FMN1: variants seen among roughly 807,000 people sequenced by gnomAD.
The protein encoded by FMN1 is formin-1.
A neutral mutation model predicts 132.4 loss-of-function variants in FMN1; 110 were observed. That is an observed-to-expected ratio of 0.83 (90% confidence interval 0.71 to 0.97). The LOEUF (loss-of-function observed/expected upper bound fraction) is 0.97. Ranked by LOEUF, FMN1 falls within the 50% of genes least tolerant of loss-of-function variation. FMN1 has a pLI of 0.00. For missense variants in FMN1, 1,792 were observed against 1,705.3 expected (o/e 1.05, Z -0.90); for synonymous variants, 722 against 651.7 (o/e 1.11, Z -1.64).
At chr15:33,105,460 C>T (rs1005373242) in intron 4 of FMN1, among the ~76,000 whole-genome samples, 1 of 152,106 alleles carries the variant, frequency 6.6e-6, no homozygotes, top group Admixed American at 6.6e-5. Context: ...TCTAGATGGA[C>T]TGTCAATGGT....
chr15:32,910,490 G>T lies in FMN1; in HGVS notation c.3272C>A (p.Ala1091Glu), dbSNP rs1327410193. Reference protein sequence around the residue: ...DDSVVDLETLAALYENRAQED... With the variant: ...DDSVVDLETLEALYENRAQED... ...GACACTCACGTTTTCATATAAGGCT[G>T]CCAGGGTCTCCAGATCAACCACGGA... Residue 1091 changes from alanine to glutamate, a missense_variant, in exon 11 of 21, where the codon GCA (alanine) becomes GAA (glutamate). Physicochemically the swap from Ala to Glu is moderately radical, Grantham distance 107. Transcript: ENST00000616417. 1.3e-6 allele frequency: 2 copies of T among 1,579,640 alleles called. No homozygotes were observed. The highest frequency in any genetic ancestry group is 2.3e-5 in the South Asian group (2 of 85,856).
At chr15:32,792,812 C>G (rs1358752090) in intron 19 of FMN1, among the ~76,000 whole-genome samples, 1 of 152,168 alleles carries the variant, frequency 6.6e-6, no homozygotes, top group East Asian at 1.9e-4. Context: ...GTAGACCTGA[C>G]GTGTGCCCCC....
chr15:33,110,865 T>TA (rs2039675767), intron 4 of FMN1, among the ~76,000 whole-genome samples: 1 of 152,134 alleles, frequency 6.6e-6, no homozygotes, highest in African/African-American at 2.4e-5. Context: ...AAACAATTTT[T>TA]AATGTCTTGG....
chr15:32,939,247 C>T (rs2061348237), intron 9 of FMN1, among the ~76,000 whole-genome samples: 1 of 152,186 alleles, frequency 6.6e-6, no homozygotes, highest in Non-Finnish European at 1.5e-5. Flanking sequence ...AGAAGCACAG[C>T]TAACCGAATT....
chr15:33,046,232 C>T (rs1461126577), intron 6 of FMN1, among the ~76,000 whole-genome samples: 7 of 152,158 alleles, frequency 4.6e-5, no homozygotes, highest in Non-Finnish European at 1.0e-4. Flanking sequence ...TTCCTTCCAG[C>T]TTACACATTA....
intron 4 of FMN1, among the ~76,000 whole-genome samples, chr15:33,125,717 A>T (rs1477922885): frequency 6.6e-6 from 1 of 151,192 alleles, no homozygotes; most frequent in Non-Finnish European, 1.5e-5. Context: ...AAAAAAAAAA[A>T]AATTAAGAAT....
intron 6 of FMN1, among the ~76,000 whole-genome samples, chr15:33,023,815 T>C (rs549789549): frequency 5.7e-4 from 87 of 152,282 alleles, no homozygotes; most frequent in Non-Finnish European, 3.2e-4. Context: ...TGAGGTTGCA[T>C]TGAAATTTGT....
chr15:32,944,522 A>C (rs998823674), intron 9 of FMN1, among the ~76,000 whole-genome samples: 1 of 152,196 alleles, frequency 6.6e-6, no homozygotes, highest in Non-Finnish European at 1.5e-5. Flanking sequence ...GTTAGGTCTG[A>C]ATCTCTTCCA....
At chr15:32,969,878 A>C (rs141907678) in intron 7 of FMN1, among the ~76,000 whole-genome samples, 26 of 152,324 alleles carry the variant, frequency 1.7e-4, no homozygotes, top group Non-Finnish European at 2.8e-4. Context: ...TAAAGAAAAA[A>C]ATAGGTTTAG....
intron 16 of FMN1, among the ~76,000 whole-genome samples, chr15:32,886,704 G>A (rs1417911123): frequency 2.0e-5 from 3 of 152,170 alleles, no homozygotes; most frequent in Admixed American, 2.0e-4. Flanking sequence ...GAGACAAGAG[G>A]GAATGGGCAT....
At chr15:32,788,217 G>A (rs2056944555) in intron 19 of FMN1, among the ~76,000 whole-genome samples, 1 of 152,258 alleles carries the variant, frequency 6.6e-6, no homozygotes, top group South Asian at 2.1e-4. Flanking sequence ...GCACTTAGTA[G>A]ACATAACACC....
chr15:32,871,498 A>G (rs902083915), intron 16 of FMN1, among the ~76,000 whole-genome samples: 1 of 152,166 alleles, frequency 6.6e-6, no homozygotes, highest in Non-Finnish European at 1.5e-5. Context: ...AGCTCACTTA[A>G]TTCTCCTGTA....
intron 3 of FMN1, among the ~76,000 whole-genome samples, chr15:33,174,359 A>T (rs1965438672): frequency 6.6e-6 from 1 of 152,098 alleles, no homozygotes; most frequent in Non-Finnish European, 1.5e-5. Flanking sequence ...CCCCTCTCAG[A>T]TTCCAATCCA....
chr15:32,931,555 TA>T (rs1454110186), intron 9 of FMN1, among the ~76,000 whole-genome samples: 2 of 152,208 alleles, frequency 1.3e-5, no homozygotes, highest in African/African-American at 2.4e-5. Context: ...TGGAATCCTG[TA>T]AGTTTGCTGA....
At chr15:33,019,609 C>G (rs2035304163) in intron 6 of FMN1, among the ~76,000 whole-genome samples, 1 of 152,186 alleles carries the variant, frequency 6.6e-6, no homozygotes, top group African/African-American at 2.4e-5. Flanking sequence ...AGCTGGAGGT[C>G]CCGAGCCCTG....
chr15:33,151,475 T>A, intron 4 of FMN1: 1 of 1,291,346 alleles, frequency 7.7e-7, no homozygotes, highest in Non-Finnish European at 1.1e-6. Flanking sequence ...GGGCTCACGG[T>A]CAGTCTCCAA....
chr15:33,032,552 A>T (rs2035986273), intron 6 of FMN1, among the ~76,000 whole-genome samples: 1 of 152,220 alleles, frequency 6.6e-6, no homozygotes, highest in African/African-American at 2.4e-5. Context: ...GTCCTGATAA[A>T]CTGATTGTAA....
intron 9 of FMN1, among the ~76,000 whole-genome samples, chr15:32,956,587 A>C (rs897727968): frequency 6.6e-6 from 1 of 152,172 alleles, no homozygotes; most frequent in Non-Finnish European, 1.5e-5. Context: ...GCGCTAGTTT[A>C]GGCCCCCAGG....
chr15:32,991,484 C>T lies in FMN1; in HGVS notation c.2223+16530G>A, dbSNP rs551397347. Among the ~76,000 whole-genome samples, 17 of 152,240 alleles carry T rather than the reference C, an allele frequency of 1.1e-4. No individual in the cohort carries two copies. In the South Asian group the frequency reaches 1.5e-3, roughly 13 times the overall value. Reference sequence around the variant, plus strand: ...GTAGGAGCCCCAAATTCTGGACCATCGAAAATCACAATCTAGGGAGCATCA... The same window carrying T: ...GTAGGAGCCCCAAATTCTGGACCATTGAAAATCACAATCTAGGGAGCATCA... On this transcript the variant is annotated intron_variant, in intron 7 of 20. Coordinates refer to ENST00000616417, the MANE Select transcript of FMN1 (RefSeq NM_001277313.2).
Sources: allele counts gnomAD v4.1 joint callset (sites outside exome capture counted in the v4.1 genomes callset), GRCh38; gene constraint gnomAD v4.1.1; transcripts MANE v1.5; gene names NCBI Gene and HGNC (gene_info 2026-07-23, HGNC 2026-07-21).